The following MGAT4C variants were observed in gnomAD, a reference collection of about 807,000 sequenced individuals.
MGAT4C encodes the protein alpha-1,3-mannosyl-glycoprotein 4-beta-N-acetylglucosaminyltransferase C.
In MGAT4C, 19 loss-of-function variants were observed where a neutral mutation model predicts 40.1. The observed-to-expected ratio is 0.47, with a 90% confidence interval of 0.33 to 0.70. MGAT4C has a LOEUF of 0.70. MGAT4C is among the 30% of genes least tolerant of loss of function. MGAT4C has a pLI of 0.02. For missense variants in MGAT4C, 491 were observed against 563.2 expected, an observed-to-expected ratio of 0.87 and a Z score of 1.30; for synonymous variants, 181 against 187.1, an observed-to-expected ratio of 0.97 and a Z score of 0.27.
At chr12:86,441,331 T>TATTATTATTATTA (rs1565764758) in intron 2 of MGAT4C, among the ~76,000 whole-genome samples, 11 of 150,870 alleles carry the variant, frequency 7.3e-5, no homozygotes, top group African/African-American at 2.7e-4. Context: ...ACTGATTTTT[T>TATTATTATTATTA]TTATTATTAT....
chr12:86,065,350 G>A (rs916116548), intron 1 of MGAT4C, among the ~76,000 whole-genome samples: 4 of 152,030 alleles, frequency 2.6e-5, no homozygotes, highest in Admixed American at 6.6e-5. Context: ...GCACATCAAA[G>A]CTTATCCACC....
intron 2 of MGAT4C, among the ~76,000 whole-genome samples, chr12:86,522,533 A>T (rs1189681647): frequency 6.6e-6 from 1 of 152,174 alleles, no homozygotes; most frequent in Admixed American, 6.5e-5. Flanking sequence ...ATCAATATTC[A>T]TCAAGGGTGT....
Position 85,989,471 on chromosome 12 carries a change from C to T in MGAT4C, c.76G>A (p.Val26Met). 6.2e-7 allele frequency: 1 copy of T among 1,607,612 alleles called. No individual in the cohort carries two copies. The highest frequency in any genetic ancestry group is 8.5e-7 in the Non-Finnish European group (1 of 1,175,916). Residue 26 changes from valine to methionine, a missense_variant, in exon 3 of 5, where the codon GTG (valine) becomes ATG (methionine). Val to Met is a conservative substitution (Grantham distance 21). Transcript: ENST00000611864. Reference sequence around the variant, plus strand: ...ATGACAAGAACTCCCAAGAATGACACTGTAGAACGTTTTCTCAGGCATCTC... The same window carrying T: ...ATGACAAGAACTCCCAAGAATGACATTGTAGAACGTTTTCTCAGGCATCTC... The part of the protein sequence containing the change: ...KMRCLRKRST[V>M]SFLGVLVIFL...
In MGAT4C at chr12:86,281,427, T is replaced by C. The variant is rs535204451; in HGVS notation, c.-57+52638A>G. Among the ~76,000 whole-genome samples the C allele has an allele frequency of 1.3e-5, 2 of 152,222 alleles. 1 individual carries two copies. Among genetic ancestry groups the C allele is most frequent in the African/African-American group, 4.8e-5 (2 of 41,542 alleles). ...CTATATACATAGATATGGATGTAGATAGAAATAGAGATATATCTGTATCTC... is the reference window on the plus strand; with the variant it reads ...CTATATACATAGATATGGATGTAGACAGAAATAGAGATATATCTGTATCTC... On this transcript the variant is annotated intron_variant, in intron 4 of 7. Coordinates refer to the MGAT4C transcript ENST00000548651.
chr12:86,643,798 T>G (rs987938217), intron 2 of MGAT4C, among the ~76,000 whole-genome samples: 2 of 151,826 alleles, frequency 1.3e-5, no homozygotes, highest in African/African-American at 2.4e-5. Context: ...ATACACTAAA[T>G]TGTATACTTT....
chr12:86,695,278 T>C (rs1415211064), intron 2 of MGAT4C, among the ~76,000 whole-genome samples: 1 of 152,158 alleles, frequency 6.6e-6, no homozygotes, highest in South Asian at 2.1e-4. Flanking sequence ...AAAAATGCTG[T>C]CGAGGAAATA....
At position 86,295,671 on chromosome 12, in the gene MGAT4C, T is replaced by C. The variant is rs1343967498; in HGVS notation, c.-57+38394A>G. ...CATCCTGCTGATTGGTAGAGCCGAG[T>C]GGCCTGTTTTGTCAGGGTGCTGATT... is the stretch of plus-strand genomic sequence containing the variant. On this transcript the variant is annotated intron_variant, in intron 4 of 7. Transcript: ENST00000548651. Among the ~76,000 whole-genome samples the C allele has an allele frequency of 7.9e-5, 12 of 152,212 alleles. No homozygotes were observed. In the South Asian group the frequency reaches 2.3e-3, roughly 29 times the overall value.
At position 86,013,681 on chromosome 12, in the gene MGAT4C, C is replaced by G. The variant is rs549356852; in HGVS notation, c.-6-24129G>C. 9 of 969,626 alleles carry G rather than the reference C, an allele frequency of 9.3e-6. No homozygotes were observed. The South Asian group carries it at 2.9e-4, about 31-fold the overall frequency. 60.1% of individuals were successfully genotyped at this position (969,626 alleles called of 1,614,324 possible). A position where few individuals can be genotyped will look rare whatever the true frequency, so the allele number is the denominator to read the frequency against. On this transcript the variant is annotated intron_variant, in intron 2 of 4. Coordinates refer to ENST00000611864, the MANE Select transcript of MGAT4C (RefSeq NM_001351288.2). ...TCGTACCATTTAATACTGGTCCTAC[C>G]TGAATTTTACCTACTGTTTACAAAC...
intron 4 of MGAT4C, among the ~76,000 whole-genome samples, chr12:86,286,390 T>C (rs768113128): frequency 1.3e-5 from 2 of 152,148 alleles, no homozygotes; most frequent in Non-Finnish European, 2.9e-5. Context: ...TGTTTCAAAA[T>C]TGGTAGTACT....
intron 2 of MGAT4C, among the ~76,000 whole-genome samples, chr12:86,600,995 T>G (rs565766627): frequency 2.6e-5 from 4 of 152,378 alleles, no homozygotes; most frequent in African/African-American, 9.6e-5. Flanking sequence ...GCCAGGTGTG[T>G]GCACACTCGC....
intron 1 of MGAT4C, among the ~76,000 whole-genome samples, chr12:86,219,940 C>T (rs1003995265): frequency 4.6e-5 from 7 of 152,080 alleles, no homozygotes; most frequent in Non-Finnish European, 1.0e-4. Flanking sequence ...AAAATAAGCC[C>T]TTCATGTCCT....
chr12:86,429,044 T>C (rs1288969410), intron 3 of MGAT4C, among the ~76,000 whole-genome samples: 1 of 152,100 alleles, frequency 6.6e-6, no homozygotes, highest in Non-Finnish European at 1.5e-5. Context: ...TAAGGTGTAA[T>C]ATTATGTGGT....
At chr12:86,432,317 G>A (rs1175635574) in intron 3 of MGAT4C, among the ~76,000 whole-genome samples, 1 of 152,102 alleles carries the variant, frequency 6.6e-6, no homozygotes, top group Non-Finnish European at 1.5e-5. Context: ...CCTTTGAGAT[G>A]TTTCTGTGAA....
intron 2 of MGAT4C, among the ~76,000 whole-genome samples, chr12:86,714,638 C>T (rs893051075): frequency 5.9e-5 from 9 of 152,070 alleles, no homozygotes; most frequent in African/African-American, 2.2e-4. Flanking sequence ...GACTGTGAGG[C>T]CTTCCCAGCC....
At chr12:86,484,343 G>T (rs1028543778) in intron 2 of MGAT4C, among the ~76,000 whole-genome samples, 1 of 152,178 alleles carries the variant, frequency 6.6e-6, no homozygotes, top group Non-Finnish European at 1.5e-5. Flanking sequence ...CAACTTTCCT[G>T]CAGGACTGGG....
At chr12:86,738,991 T>G (rs1951025130) in intron 1 of MGAT4C, among the ~76,000 whole-genome samples, 1 of 150,716 alleles carries the variant, frequency 6.6e-6, no homozygotes, top group African/African-American at 2.4e-5. Flanking sequence ...AGATTTTTGG[T>G]GTAGTAAGCA....
At chr12:86,563,758 T>C (rs1023287974) in intron 2 of MGAT4C, among the ~76,000 whole-genome samples, 8 of 152,146 alleles carry the variant, frequency 5.3e-5, no homozygotes, top group Admixed American at 1.3e-4. Flanking sequence ...CAAAAGGTTA[T>C]TGTGGTCCTC....
At chr12:86,149,659 G>T (rs1475703633) in intron 1 of MGAT4C, among the ~76,000 whole-genome samples, 1 of 152,104 alleles carries the variant, frequency 6.6e-6, no homozygotes, top group Non-Finnish European at 1.5e-5. Flanking sequence ...AAGCTGTAAA[G>T]AAATTATCTA....
At chr12:86,352,444 C>A (rs1955183453) in intron 3 of MGAT4C, among the ~76,000 whole-genome samples, 1 of 152,000 alleles carries the variant, frequency 6.6e-6, no homozygotes, top group African/African-American at 2.4e-5. Context: ...TGTATACGAA[C>A]ACCTATGTAT....
Sources: gnomAD v4.1 joint callset for allele counts (sites outside exome capture counted in the v4.1 genomes callset) on GRCh38, gnomAD v4.1.1 for gene constraint, MANE v1.5 for transcripts, NCBI Gene and HGNC (gene_info 2026-07-23, HGNC 2026-07-21) for gene names.